The following IGFL4 variants were observed in gnomAD, a reference collection of about 807,000 sequenced individuals.
The protein encoded by IGFL4 is IGF like family member 4, also known as insulin growth factor-like family member 4.
Under a neutral mutation model 15.4 loss-of-function variants are expected in IGFL4, and 12 were observed. The ratio of observed to expected loss-of-function variants is 0.78; its 90% CI spans 0.50 to 1.26. IGFL4 has a LOEUF of 1.26. IGFL4 is among the 50% of genes most tolerant of loss of function. The pLI is 0.00. For missense variants in IGFL4, 126 were observed against 147.8 expected (o/e 0.85, Z 0.76); for synonymous variants, 54 against 55.9 (o/e 0.97, Z 0.16).
chr19:46,062,447 G>A (rs910290000), intron 1 of IGFL4, among the ~76,000 whole-genome samples: 3 of 152,222 alleles, frequency 2.0e-5, no homozygotes, highest in African/African-American at 7.2e-5. Flanking sequence ...GGAGCCTAGA[G>A]CAGCCAATTT....
At chr19:46,051,000 A>C (rs191167773) in intron 2 of IGFL4, among the ~76,000 whole-genome samples, 1 of 152,354 alleles carries the variant, frequency 6.6e-6, no homozygotes, top group Admixed American at 6.5e-5. Context: ...ATTAGAAGGG[A>C]TTGAGGTCCT....
rs1327907399 is a variant in IGFL4, at chr19:46,052,014, TAGAC to T, written c.-323+8167_-323+8170del. ...TTAGTACTAGATGTAAATACTGAGA[TAGAC>T]AGCAACACAGTAATAGTGCAGGACT... On this transcript the variant is annotated intron_variant, in intron 2 of 5. Coordinates refer to the IGFL4 transcript ENST00000601672. 7.2e-5 allele frequency among the ~76,000 whole-genome samples: 11 copies of T among 152,204 alleles called. 1 individual carries two copies. The highest frequency in any genetic ancestry group is 3.9e-4 in the Admixed American group (6 of 15,290).
chr19:46,046,832 A>G (rs575996001), intron 2 of IGFL4, among the ~76,000 whole-genome samples: 89 of 152,190 alleles, frequency 5.8e-4, no homozygotes, highest in Non-Finnish European at 1.0e-3. Context: ...ACCCACTGTC[A>G]ATATTAGATC....
At chr19:46,064,240 C>T (rs937069663) in intron 1 of IGFL4, among the ~76,000 whole-genome samples, 3 of 152,048 alleles carry the variant, frequency 2.0e-5, no homozygotes, top group African/African-American at 7.3e-5. Flanking sequence ...TACAAGCATG[C>T]AATGCATAAT....
At chr19:46,064,386 A>G (rs1156232727) in intron 1 of IGFL4, among the ~76,000 whole-genome samples, 1 of 152,116 alleles carries the variant, frequency 6.6e-6, no homozygotes, top group Non-Finnish European at 1.5e-5. Context: ...GCTATCAAAT[A>G]CTAGATCTTA....
upstream of IGFL4, among the ~76,000 whole-genome samples, chr19:46,042,228 G>A (rs558760395): frequency 5.9e-5 from 9 of 152,208 alleles, no homozygotes; most frequent in Non-Finnish European, 1.0e-4. Flanking sequence ...CTGCAGTTGC[G>A]TATTTGCATA....
At chr19:46,055,977 A>G (rs529861932) in intron 2 of IGFL4, among the ~76,000 whole-genome samples, 2 of 152,130 alleles carry the variant, frequency 1.3e-5, no homozygotes, top group Non-Finnish European at 2.9e-5. Flanking sequence ...GGGTTTCACC[A>G]TGTTGGCCAG....
At chr19:46,071,953 G>A (rs929698049) in intron 1 of IGFL4, among the ~76,000 whole-genome samples, 3 of 152,216 alleles carry the variant, frequency 2.0e-5, no homozygotes, top group Admixed American at 6.5e-5. Flanking sequence ...AACTTGGAAG[G>A]CAGAGGTTGC....
At chr19:46,063,557 C>T (rs1365584718) in intron 1 of IGFL4, among the ~76,000 whole-genome samples, 1 of 152,174 alleles carries the variant, frequency 6.6e-6, no homozygotes, top group East Asian at 1.9e-4. Flanking sequence ...TTTCAATGTC[C>T]ATTTCATGTC....
chr19:46,066,239 C>T (rs1284691783), intron 1 of IGFL4, among the ~76,000 whole-genome samples: 3 of 152,184 alleles, frequency 2.0e-5, no homozygotes, highest in Non-Finnish European at 4.4e-5. Flanking sequence ...GTTTGAATTT[C>T]AGATGAGCAA....
At chr19:46,065,308 GCTTTTCTTTTCTTTT>G (rs145761586) in intron 1 of IGFL4, among the ~76,000 whole-genome samples, 76 of 150,700 alleles carry the variant, frequency 5.0e-4, no homozygotes, top group Non-Finnish European at 8.6e-4. Context: ...CTGTGCAGAA[GCTTTTCTTTTCTTTT>G]CTTTTCTTTT....
chr19:46,074,603 C>A (rs1969577871), intron 1 of IGFL4, among the ~76,000 whole-genome samples: 1 of 152,144 alleles, frequency 6.6e-6, no homozygotes, highest in Non-Finnish European at 1.5e-5. Context: ...TGTTTGAGGG[C>A]AGGAAGCATC....
rs753373446 is a variant in IGFL4 at position 46,040,118 on chromosome 19, T to TC, written c.330+38dup. ...TGGACAACCAAGCTCCATTCCCTACTCCCCCCTCCCACAGCCTGGACTGGA... is the reference window on the plus strand; with the variant it reads ...TGGACAACCAAGCTCCATTCCCTACTCCCCCCCTCCCACAGCCTGGACTGGA... On this transcript the variant is annotated intron_variant, in intron 3 of 3. Transcript: ENST00000377697. The surrounding 1 kb of genome is among the most constrained non-coding windows in gnomAD (Gnocchi z 4.1). The TC allele has an allele frequency of 1.7e-5, 28 of 1,609,424 alleles. No individual in the cohort carries two copies. The African/African-American group carries it at 3.1e-4, about 18-fold the overall frequency.
Position 46,040,739 on chromosome 19 carries a change from A to T in IGFL4, c.20-171T>A. ...CTGGGCTTGGCAGGTGAGGAAAGGC[A>T]GGGAGGGCTCTGGGAAAAGTTAAGC... On this transcript the variant is annotated intron_variant, in intron 1 of 3. Transcript: ENST00000377697. The surrounding 1 kb of genome is among the most constrained non-coding windows in gnomAD (Gnocchi z 4.1). 1.1e-6 allele frequency: 1 copy of T among 946,792 alleles called. No homozygotes were observed. The highest frequency in any genetic ancestry group is 1.7e-6 in the Non-Finnish European group (1 of 605,024). 58.6% of individuals were successfully genotyped at this position (946,792 alleles called of 1,614,324 possible).
At chr19:46,041,094 G>A (rs998809708), upstream of IGFL4, 3 of 771,306 alleles carry the variant, frequency 3.9e-6, no homozygotes, top group African/African-American at 1.8e-5. Flanking sequence ...TTCTTGGGAA[G>A]AGTTAGGCAA....
intron 2 of IGFL4, chr19:46,058,136 T>C (rs1969410290): frequency 6.6e-6 from 1 of 152,224 alleles, no homozygotes; most frequent in South Asian, 2.1e-4. Context: ...GGTGAGTTCC[T>C]TCCACCTAGG....
chr19:46,043,174 G>A (rs1280356307), upstream of IGFL4, among the ~76,000 whole-genome samples: 2 of 152,080 alleles, frequency 1.3e-5, no homozygotes, highest in South Asian at 4.2e-4. Flanking sequence ...ATTTAGAGGG[G>A]AACAATGCCA....
At chr19:46,050,847 C>G (rs1440568716) in intron 2 of IGFL4, among the ~76,000 whole-genome samples, 1 of 152,186 alleles carries the variant, frequency 6.6e-6, no homozygotes, top group Non-Finnish European at 1.5e-5. Context: ...ACAAAAAGAT[C>G]ATCACCCAGG....
chr19:46,052,866 G>GTTTTT (rs5828264), intron 2 of IGFL4, among the ~76,000 whole-genome samples: 11 of 120,588 alleles, frequency 9.1e-5, no homozygotes, highest in African/African-American at 3.2e-4. Context: ...ATGTTATCTC[G>GTTTTT]TTTTTTTTTT....
Sources: gnomAD v4.1 joint callset for allele counts (sites outside exome capture counted in the v4.1 genomes callset) on GRCh38, gnomAD v4.1.1 for gene constraint, Gnocchi (gnomAD v3.1) non-coding constraint, MANE v1.5 for transcripts, NCBI Gene and HGNC (gene_info 2026-07-23, HGNC 2026-07-21) for gene names.